The following SLC35H1 variants were observed in gnomAD, a reference collection of about 807,000 sequenced individuals.
SLC35H1 encodes solute carrier family 35 member H1.
the SLC35H1 span, among the ~76,000 whole-genome samples, chr20:46,353,960 G>A: frequency 6.6e-6 from 1 of 152,128 alleles, no homozygotes; most frequent in African/African-American, 2.4e-5. Flanking sequence ...AAACTTAAAT[G>A]GATGTGGGAC....
At chr20:46,354,171 T>C in the SLC35H1 span, among the ~76,000 whole-genome samples, 2 of 152,200 alleles carry the variant, frequency 1.3e-5, no homozygotes, top group African/African-American at 2.4e-5. Flanking sequence ...CCCAGGCTCC[T>C]GTGTGCTGGC....
At chr20:46,352,190 A>G in the SLC35H1 span, 1 of 1,614,220 alleles carries the variant, frequency 6.2e-7, no homozygotes, top group Non-Finnish European at 8.5e-7. Flanking sequence ...TGTGTCCTGG[A>G]AACGGAAGAT....
chr20:46,358,901 G>T, the SLC35H1 span: 1 of 659,048 alleles, frequency 1.5e-6, no homozygotes, highest in Non-Finnish European at 2.7e-6. Flanking sequence ...AGAGACCCAC[G>T]TCGTGTCTGC....
At chr20:46,360,844 C>T in the SLC35H1 span, among the ~76,000 whole-genome samples, 10 of 152,164 alleles carry the variant, frequency 6.6e-5, no homozygotes, top group Middle Eastern at 3.2e-3. Flanking sequence ...CCACCGCGCC[C>T]GGCTGCATTT....
chr20:46,357,401 AG>A, the SLC35H1 span, among the ~76,000 whole-genome samples: 3 of 152,066 alleles, frequency 2.0e-5, no homozygotes, highest in Non-Finnish European at 2.9e-5. Flanking sequence ...CCGCAGGTGC[AG>A]GGGGGGTTTT....
At chr20:46,356,712 A>C in the SLC35H1 span, 1 of 1,426,602 alleles carries the variant, frequency 7.0e-7, no homozygotes, top group South Asian at 1.2e-5. Flanking sequence ...ACCCTGAGGC[A>C]CCTGAGTGTC....
the SLC35H1 span, among the ~76,000 whole-genome samples, chr20:46,361,987 T>G: frequency 6.6e-6 from 1 of 152,210 alleles, no homozygotes; most frequent in Admixed American, 6.5e-5. Flanking sequence ...AATGCTGACC[T>G]TCCTTCACAG....
the SLC35H1 span, chr20:46,356,507 G>T: frequency 3.9e-6 from 6 of 1,519,068 alleles, no homozygotes; most frequent in Non-Finnish European, 5.5e-6. Flanking sequence ...CGGGTGTGCA[G>T]ACACCCCGCT....
At chr20:46,351,554 G>A in the SLC35H1 span, among the ~76,000 whole-genome samples, 1 of 152,216 alleles carries the variant, frequency 6.6e-6, no homozygotes, top group Admixed American at 6.5e-5. Context: ...GGACAGGCCT[G>A]CGAGGCAGAG....
chr20:46,363,243 A>C, the SLC35H1 span: 5 of 152,166 alleles, frequency 3.3e-5, no homozygotes, highest in African/African-American at 4.8e-5. Flanking sequence ...TGGGTGCCTA[A>C]AGCTTGGAAC....
the SLC35H1 span, chr20:46,348,457 C>T: frequency 6.6e-6 from 1 of 152,232 alleles, no homozygotes; most frequent in Non-Finnish European, 1.5e-5. Flanking sequence ...CCTGGCCCCC[C>T]TCCTTGGCTG....
the SLC35H1 span, chr20:46,363,102 C>T: frequency 6.6e-6 from 1 of 152,262 alleles, no homozygotes; most frequent in African/African-American, 2.4e-5. Context: ...CAATGGATCA[C>T]TTCCTCCTCC....
the SLC35H1 span, chr20:46,355,767 G>A: frequency 3.1e-6 from 5 of 1,613,566 alleles, no homozygotes; most frequent in African/African-American, 5.3e-5. The surrounding 1 kb of genome is among the most constrained non-coding windows in gnomAD (Gnocchi z 4.8). Context: ...GCATCTGTGG[G>A]GGCAGGAAGG....
chr20:46,363,492 T>G, the SLC35H1 span, among the ~76,000 whole-genome samples: 1 of 152,240 alleles, frequency 6.6e-6, no homozygotes, highest in African/African-American at 2.4e-5. Context: ...AATGCCAGCA[T>G]AATACACTTG....
chr20:46,356,646 A>C, the SLC35H1 span: 72 of 1,613,362 alleles, frequency 4.5e-5, no homozygotes, highest in Middle Eastern at 2.0e-3. Flanking sequence ...AGCTGTGAAG[A>C]CACAGGCACC....
chr20:46,350,676 C>T, the SLC35H1 span: 158 of 1,543,458 alleles, frequency 1.0e-4, no homozygotes, highest in East Asian at 2.1e-3. Context: ...GCAGAGCCAC[C>T]GGGCACACTT....
At chr20:46,355,959 G>A in the SLC35H1 span, 1 of 1,583,828 alleles carries the variant, frequency 6.3e-7, no homozygotes, top group Admixed American at 1.8e-5. The surrounding 1 kb of genome is among the most constrained non-coding windows in gnomAD (Gnocchi z 4.8). Context: ...ACAAATCACT[G>A]AGCGAAATGA....
the SLC35H1 span, among the ~76,000 whole-genome samples, chr20:46,356,967 CAAACTCCTCCACG>C: frequency 8.2e-5 from 1 of 12,152 alleles, no homozygotes; most frequent in African/African-American, 9.4e-5. Context: ...GGATGGAACA[CAAACTCCTCCACG>C]GGGAATCCGG....
At chr20:46,355,068 C>T in the SLC35H1 span, 2 of 1,614,026 alleles carry the variant, frequency 1.2e-6, no homozygotes, top group Non-Finnish European at 1.7e-6. This position sits in a 1 kb window ranked among gnomAD's most constrained non-coding sequence, Gnocchi z 4.8. Flanking sequence ...GTGGCACGTG[C>T]TCACCGAGTT....
Sources: gnomAD v4.1 joint callset for allele counts (sites outside exome capture counted in the v4.1 genomes callset) on GRCh38, gnomAD v4.1.1 for gene constraint, Gnocchi (gnomAD v3.1) non-coding constraint, MANE v1.5 for transcripts, NCBI Gene and HGNC (gene_info 2026-07-23, HGNC 2026-07-21) for gene names.